KCNH7: variants seen among roughly 807,000 people sequenced by gnomAD.
The protein encoded by KCNH7 is potassium voltage-gated channel subfamily H member 7, also known as voltage-gated inwardly rectifying potassium channel KCNH7.
Under a neutral mutation model 120.8 loss-of-function variants are expected in KCNH7, and 49 were observed. That is an observed-to-expected ratio of 0.41 (90% CI 0.32 to 0.51). The LOEUF (loss-of-function observed/expected upper bound fraction) is 0.51. Ranked by LOEUF, KCNH7 falls within the 20% of genes least tolerant of loss-of-function variation. The pLI is 0.38. For synonymous variants in KCNH7, 547 were observed against 516.1 expected (o/e 1.06, Z -0.81); for missense variants, 1,097 against 1,446.6 (o/e 0.76, Z 3.92).
intron 2 of KCNH7, among the ~76,000 whole-genome samples, chr2:162,801,254 A>G (rs1684336917): frequency 7.6e-6 from 1 of 131,424 alleles, no homozygotes. Context: ...TATGAAAAAG[A>G]CAAGCTTTTT....
intron 2 of KCNH7, among the ~76,000 whole-genome samples, chr2:162,792,264 C>G (rs529682086): frequency 1.3e-5 from 2 of 151,818 alleles, no homozygotes; most frequent in Admixed American, 6.6e-5. Context: ...TGTATTTATG[C>G]AAGGTTTTGG....
intron 2 of KCNH7, among the ~76,000 whole-genome samples, chr2:162,565,269 T>G (rs1352877436): frequency 6.6e-6 from 1 of 152,108 alleles, no homozygotes; most frequent in South Asian, 2.1e-4. Context: ...ATTTATTTCC[T>G]GATCATCACT....
chr2:162,683,252 C>G (rs1271533017), intron 2 of KCNH7, among the ~76,000 whole-genome samples: 1 of 151,816 alleles, frequency 6.6e-6, no homozygotes, highest in Admixed American at 6.6e-5. Context: ...TATCCAGTTT[C>G]TTAAATGTAC....
At chr2:162,503,509 T>C (rs1409896869) in intron 6 of KCNH7, among the ~76,000 whole-genome samples, 2 of 151,882 alleles carry the variant, frequency 1.3e-5, no homozygotes, top group Non-Finnish European at 2.9e-5. Context: ...ACTGCACAGG[T>C]TTATTTATAA....
At chr2:162,798,854 C>T (rs1255895745) in intron 2 of KCNH7, among the ~76,000 whole-genome samples, 7 of 151,894 alleles carry the variant, frequency 4.6e-5, no homozygotes, top group Admixed American at 3.3e-4. Flanking sequence ...GAATGAAAAG[C>T]GACCCCCACC....
chr2:162,751,884 A>G (rs1308934131), intron 2 of KCNH7, among the ~76,000 whole-genome samples: 2 of 152,046 alleles, frequency 1.3e-5, no homozygotes, highest in African/African-American at 2.4e-5. Context: ...AAAATGTTAA[A>G]AAGAATATAC....
chr2:162,786,028 G>A (rs1327101783), intron 2 of KCNH7, among the ~76,000 whole-genome samples: 1 of 152,012 alleles, frequency 6.6e-6, no homozygotes, highest in Non-Finnish European at 1.5e-5. Context: ...AGATCACAAG[G>A]TTAGCAGTTC....
chr2:162,811,088 A>C (rs965809078), intron 2 of KCNH7, among the ~76,000 whole-genome samples: 2 of 152,154 alleles, frequency 1.3e-5, no homozygotes, highest in Non-Finnish European at 2.9e-5. Flanking sequence ...TTTTCTACAA[A>C]GTAAATACAT....
intron 2 of KCNH7, among the ~76,000 whole-genome samples, chr2:162,816,254 T>C (rs543067448): frequency 8.3e-5 from 3 of 36,046 alleles, no homozygotes; most frequent in African/African-American, 3.2e-4. Flanking sequence ...TGAAACTCCA[T>C]CTCAAAAAAA....
chr2:162,724,631 C>T (rs1047928692), intron 2 of KCNH7, among the ~76,000 whole-genome samples: 3 of 146,650 alleles, frequency 2.0e-5, no homozygotes, highest in Admixed American at 6.7e-5. Context: ...GAGATCGCGC[C>T]ACTGCACTCC....
chr2:162,770,446 G>T (rs919186748), intron 2 of KCNH7, among the ~76,000 whole-genome samples: 4 of 151,708 alleles, frequency 2.6e-5, no homozygotes, highest in Admixed American at 2.6e-4. Context: ...ACAGTCTAAA[G>T]CCAAGCACAA....
intron 6 of KCNH7, among the ~76,000 whole-genome samples, chr2:162,499,442 T>C (rs188158678): frequency 1.3e-3 from 203 of 152,190 alleles, no homozygotes; most frequent in Non-Finnish European, 7.5e-4. Context: ...CAGCCTTTAC[T>C]GGCTGGACTG....
At chr2:162,486,124 G>C (rs1574016517) in intron 6 of KCNH7, among the ~76,000 whole-genome samples, 1 of 152,168 alleles carries the variant, frequency 6.6e-6, no homozygotes, top group Non-Finnish European at 1.5e-5. Context: ...AGAGAAAAGA[G>C]AGGAGCCAAG....
chr2:162,826,540 C>A (rs1156748537), intron 2 of KCNH7, among the ~76,000 whole-genome samples: 1 of 152,040 alleles, frequency 6.6e-6, no homozygotes, highest in Non-Finnish European at 1.5e-5. Context: ...AACCATATGG[C>A]AGCAAGTTAA....
chr2:162,593,588 C>G (rs1268284919), intron 2 of KCNH7, among the ~76,000 whole-genome samples: 2 of 151,998 alleles, frequency 1.3e-5, no homozygotes, highest in Non-Finnish European at 2.9e-5. Context: ...ATAGTGTAGG[C>G]AGCAATAAGA....
At chr2:162,660,875 G>C (rs899375668) in intron 2 of KCNH7, among the ~76,000 whole-genome samples, 2 of 152,080 alleles carry the variant, frequency 1.3e-5, no homozygotes, top group African/African-American at 4.8e-5. Flanking sequence ...TTCAAGGTGG[G>C]ACTGAGAAAA....
At chr2:162,625,022 T>G (rs546008917) in intron 2 of KCNH7, among the ~76,000 whole-genome samples, 1 of 150,260 alleles carries the variant, frequency 6.7e-6, no homozygotes, top group African/African-American at 2.4e-5. Context: ...CTCAGCCTCC[T>G]GAGTAGCTGG....
At chr2:162,818,789 G>A (rs1391675643) in intron 2 of KCNH7, among the ~76,000 whole-genome samples, 1 of 152,156 alleles carries the variant, frequency 6.6e-6, no homozygotes, top group East Asian at 1.9e-4. Flanking sequence ...GCTATTTACA[G>A]GGTATTGTTA....
At chr2:162,596,728 T>C (rs1298049580) in intron 2 of KCNH7, among the ~76,000 whole-genome samples, 3 of 152,000 alleles carry the variant, frequency 2.0e-5, no homozygotes, top group African/African-American at 7.2e-5. Flanking sequence ...CTACAAAGCC[T>C]ATGCACAGCA....
Sources: allele counts gnomAD v4.1 joint callset (sites outside exome capture counted in the v4.1 genomes callset), GRCh38; gene constraint gnomAD v4.1.1; transcripts MANE v1.5; gene names NCBI Gene and HGNC (gene_info 2026-07-23, HGNC 2026-07-21).